VTI1A: variants seen among roughly 807,000 people sequenced by gnomAD.
VTI1A encodes vesicle transport through interaction with t-SNAREs homolog 1A.
VTI1A carries 22 observed loss-of-function variants against 34.9 expected under a neutral mutation model. The ratio of observed to expected loss-of-function variants is 0.63; its 90% CI spans 0.45 to 0.90. The LOEUF is 0.90. Among genes scored for constraint, VTI1A ranks in the 40% least tolerant of loss-of-function variants. VTI1A has a pLI of 0.00. For synonymous variants in VTI1A, 87 were observed against 97.3 expected (o/e 0.89, Z 0.62); for missense variants, 268 against 275.6 (o/e 0.97, Z 0.20).
intron 5 of VTI1A, among the ~76,000 whole-genome samples, chr10:112,583,092 A>T (rs1844012898): frequency 6.6e-6 from 1 of 152,162 alleles, no homozygotes; most frequent in Non-Finnish European, 1.5e-5. Context: ...TCTTATAGAG[A>T]TAAAGAAAGG....
At chr10:112,708,509 A>G (rs1849281111) in intron 7 of VTI1A, among the ~76,000 whole-genome samples, 1 of 152,294 alleles carries the variant, frequency 6.6e-6, no homozygotes, top group East Asian at 1.9e-4. Context: ...AAAGGAAAAC[A>G]CTCATCTCTA....
chr10:112,788,168 A>G (rs972866804), intron 7 of VTI1A, among the ~76,000 whole-genome samples: 4 of 151,954 alleles, frequency 2.6e-5, no homozygotes, highest in African/African-American at 9.7e-5. Context: ...GTTGATTTCT[A>G]TATCTAGTCT....
chr10:112,564,788 A>G (rs1239233105), intron 5 of VTI1A, among the ~76,000 whole-genome samples: 1 of 152,144 alleles, frequency 6.6e-6, no homozygotes, highest in African/African-American at 2.4e-5. Context: ...GACTGTGTAC[A>G]ATGGAATGCT....
At chr10:112,586,987 A>G (rs1401815615) in intron 5 of VTI1A, among the ~76,000 whole-genome samples, 1 of 152,150 alleles carries the variant, frequency 6.6e-6, no homozygotes, top group African/African-American at 2.4e-5. Context: ...CTATTCATTT[A>G]TATATGTAAG....
At chr10:112,682,168 T>G (rs1590064130) in intron 7 of VTI1A, among the ~76,000 whole-genome samples, 1 of 152,354 alleles carries the variant, frequency 6.6e-6, no homozygotes, top group South Asian at 2.1e-4. Flanking sequence ...GCCTTGAAAT[T>G]GCATAGATAA....
At chr10:112,738,861 G>C (rs1850591152) in intron 7 of VTI1A, among the ~76,000 whole-genome samples, 1 of 152,144 alleles carries the variant, frequency 6.6e-6, no homozygotes, top group Non-Finnish European at 1.5e-5. Context: ...GAAGAGAAAT[G>C]CTTTATCATC....
At chr10:112,846,741 G>A in the VTI1A span, among the ~76,000 whole-genome samples, 2 of 150,762 alleles carry the variant, frequency 1.3e-5, no homozygotes, top group African/African-American at 4.9e-5. Context: ...ACTCCAGCCT[G>A]GGTGACAGAG....
chr10:112,797,299 A>G (rs1484724224), intron 7 of VTI1A, among the ~76,000 whole-genome samples: 1 of 152,188 alleles, frequency 6.6e-6, no homozygotes, highest in African/African-American at 2.4e-5. Flanking sequence ...AGAGAGAAAT[A>G]TGCTTTAGAT....
At chr10:112,640,194 A>G (rs1181657839) in intron 5 of VTI1A, among the ~76,000 whole-genome samples, 2 of 152,200 alleles carry the variant, frequency 1.3e-5, no homozygotes, top group Non-Finnish European at 2.9e-5. Flanking sequence ...CTTTGTGTTT[A>G]TATTGCAAAA....
chr10:112,682,385 T>C (rs943153519), intron 7 of VTI1A, among the ~76,000 whole-genome samples: 1 of 152,230 alleles, frequency 6.6e-6, no homozygotes, highest in Admixed American at 6.5e-5. Context: ...TTGTTTTTAT[T>C]GTATTTTACC....
chr10:112,673,315 CAAAA>C (rs745306451), intron 7 of VTI1A, among the ~76,000 whole-genome samples: 2 of 68,908 alleles, frequency 2.9e-5, no homozygotes, highest in Non-Finnish European at 3.0e-5. Context: ...GACTCCATCT[CAAAA>C]AAAAAAAAAA....
At chr10:112,826,095 A>G in the VTI1A span, 5 of 152,280 alleles carry the variant, frequency 3.3e-5, no homozygotes, top group East Asian at 9.7e-4. Context: ...GTGGGTCCTG[A>G]AAATTATGTA....
At chr10:112,819,866 C>T (rs1853620113), downstream of VTI1A, among the ~76,000 whole-genome samples, 1 of 152,178 alleles carries the variant, frequency 6.6e-6, no homozygotes, top group Non-Finnish European at 1.5e-5. Flanking sequence ...TTCATTGACA[C>T]TTCAGGGCAG....
At chr10:112,532,422 G>A (rs772318829) in intron 4 of VTI1A, among the ~76,000 whole-genome samples, 3 of 152,208 alleles carry the variant, frequency 2.0e-5, no homozygotes, top group Admixed American at 6.5e-5. Context: ...GACCTAGAAT[G>A]TGGTTTAGTC....
rs1279207718 is a variant in VTI1A, at chr10:112,614,657, G to A, written c.428-53561G>A. Among the ~76,000 whole-genome samples, 4 of 152,316 alleles carry A rather than the reference G, an allele frequency of 2.6e-5. No homozygotes were observed. In the South Asian group the frequency reaches 8.3e-4, roughly 32 times the overall value. On this transcript the variant is annotated intron_variant, in intron 5 of 7. Coordinates refer to ENST00000393077, the MANE Select transcript of VTI1A (RefSeq NM_145206.4). ...GGACAGGTAGACACTGAGACAGTTG[G>A]GCATCTTGAAGGACTTGTGGAGATT...
intron 7 of VTI1A, among the ~76,000 whole-genome samples, chr10:112,686,978 C>A (rs1848437610): frequency 6.6e-6 from 1 of 152,124 alleles, no homozygotes; most frequent in African/African-American, 2.4e-5. Context: ...CTGCCTTGAT[C>A]ATGCAGCTGA....
At chr10:112,766,842 CT>C (rs1851664131) in intron 7 of VTI1A, among the ~76,000 whole-genome samples, 1 of 152,156 alleles carries the variant, frequency 6.6e-6, no homozygotes, top group South Asian at 2.1e-4. Context: ...AGTTGTGAGA[CT>C]GGTTTAGTGG....
intron 5 of VTI1A, among the ~76,000 whole-genome samples, chr10:112,587,956 T>C (rs2134421509): frequency 6.6e-6 from 1 of 152,118 alleles, no homozygotes; most frequent in Non-Finnish European, 1.5e-5. Flanking sequence ...TTGGTTTTAG[T>C]AAATTAAGGT....
At chr10:112,836,233 G>A in the VTI1A span, among the ~76,000 whole-genome samples, 2 of 152,160 alleles carry the variant, frequency 1.3e-5, no homozygotes, top group Admixed American at 6.5e-5. Flanking sequence ...GTGCTGGGGG[G>A]TGCAAGTTAT....
Sources: allele counts gnomAD v4.1 joint callset (sites outside exome capture counted in the v4.1 genomes callset), GRCh38; gene constraint gnomAD v4.1.1; transcripts MANE v1.5; gene names NCBI Gene and HGNC (gene_info 2026-07-23, HGNC 2026-07-21).